NR2F6: variants seen among roughly 807,000 people sequenced by gnomAD.
NR2F6 encodes ERBA-related gene-2.
Under a neutral mutation model 26.5 loss-of-function variants are expected in NR2F6, and 16 were observed. The ratio of observed to expected loss-of-function variants is 0.60; its 90% confidence interval spans 0.41 to 0.92. The LOEUF is 0.92. Ranked by LOEUF, NR2F6 falls within the 40% of genes least tolerant of loss-of-function variation. The pLI is 0.00. For synonymous variants in NR2F6, 325 were observed against 305.0 expected, an observed-to-expected ratio of 1.07 and a Z score of -0.68; for missense variants, 536 against 631.7, an observed-to-expected ratio of 0.85 and a Z score of 1.62.
chr19:17,242,539 G>A (rs2073475122), intron 1 of NR2F6, among the ~76,000 whole-genome samples: 2 of 152,168 alleles, frequency 1.3e-5, no homozygotes. Context: ...GAAAGCTGAG[G>A]ATCTGCGCCC....
In NR2F6 at chr19:17,235,253, G is replaced by A. The variant is rs917138156; in HGVS notation, c.940+246C>T. 1.3e-5 allele frequency among the ~76,000 whole-genome samples: 2 copies of A among 152,226 alleles called. No individual in the cohort carries two copies. The highest frequency in any genetic ancestry group is 6.5e-5 in the Admixed American group (1 of 15,290). ...GGCCCTGGTCCTGGCCCAGCCTTGG[G>A]TCTGGGGTCCGGGGTTCAGAGTTCT... is the stretch of plus-strand genomic sequence containing the variant. On this transcript the variant is annotated intron_variant, in intron 3 of 3. Coordinates refer to ENST00000291442, the MANE Select transcript of NR2F6 (RefSeq NM_005234.4). The surrounding 1 kb of genome is among the most constrained non-coding windows in gnomAD (Gnocchi z 5.0).
intron 2 of NR2F6, among the ~76,000 whole-genome samples, chr19:17,237,229 G>A (rs181319396): frequency 5.5e-4 from 84 of 152,250 alleles, no homozygotes; most frequent in African/African-American, 1.9e-3. Context: ...GGTGGATGGG[G>A]CCCAAAAGTG....
In NR2F6 at chr19:17,235,846, C is replaced by T; in HGVS notation, c.593G>A (p.Gly198Asp). The T allele has an allele frequency of 5.4e-6, 8 of 1,473,776 alleles. No homozygotes were observed. Among genetic ancestry groups the T allele is most frequent in the Non-Finnish European group, 7.1e-6 (8 of 1,120,926 alleles). 91.3% of individuals were successfully genotyped at this position (1,473,776 alleles called of 1,614,324 possible). A position where few individuals can be genotyped will look rare whatever the true frequency, so the allele number is the denominator to read the frequency against. Reference sequence around the variant, plus strand: ...CGCCAGCTCGCACACGTTGTCGATGCCCAGCACCGCGCCCGCCGCGCCGCC... The same window carrying T: ...CGCCAGCTCGCACACGTTGTCGATGTCCAGCACCGCGCCCGCCGCGCCGCC... Reference protein sequence around the residue: ...AGGGAAGAVLGIDNVCELAAR... With the variant: ...AGGGAAGAVLDIDNVCELAAR... The change falls in exon 3 of 4, where the codon GGC becomes GAC. Residue 198 changes from glycine to aspartate, a missense_variant. By Grantham distance (94) the Gly-to-Asp change is moderately conservative. Transcript: ENST00000291442. This position sits in a 1 kb window ranked among gnomAD's most constrained non-coding sequence, Gnocchi z 5.0.
At chr19:17,232,787 A>T (rs1332979055) in intron 3 of NR2F6, among the ~76,000 whole-genome samples, 161 bp from the exon 4 acceptor site, 1 of 152,086 alleles carries the variant, frequency 6.6e-6, no homozygotes, top group African/African-American at 2.4e-5. Context: ...CCAAGGCAGA[A>T]GCATCATTTA....
At chr19:17,233,425 C>T (rs910403012) in intron 3 of NR2F6, among the ~76,000 whole-genome samples, 23 of 152,298 alleles carry the variant, frequency 1.5e-4, no homozygotes, top group African/African-American at 4.6e-4. Context: ...TCTCATCTAA[C>T]CAGTGACATA....
intron 1 of NR2F6, among the ~76,000 whole-genome samples, chr19:17,243,878 A>G (rs987225425): frequency 1.3e-5 from 2 of 152,090 alleles, no homozygotes; most frequent in African/African-American, 4.8e-5. Flanking sequence ...CAAAGCAGGC[A>G]CCAGGACCTC....
chr19:17,238,405 T>C (rs1223364016), intron 2 of NR2F6, among the ~76,000 whole-genome samples: 1 of 151,956 alleles, frequency 6.6e-6, no homozygotes, highest in Admixed American at 6.6e-5. Flanking sequence ...GAGGTGATGT[T>C]TGAGCAAACC....
At position 17,235,984 on chromosome 19, in the gene NR2F6, GC is replaced by G; in HGVS notation, c.454del (p.Ala152ArgfsTer18). ...GAGGTCTCCGCCGCTCGCCACTGCC[GC>G]CAGCGCCGAGCCCGGGGGGCTGCCC... ...SSGSPPGSAL[A>X]AVASGGDLFP... On this transcript the variant is annotated frameshift_variant, in exon 3 of 4. Coordinates refer to ENST00000291442, the MANE Select transcript of NR2F6 (RefSeq NM_005234.4). LOFTEE classifies it high-confidence loss of function. This position sits in a 1 kb window ranked among gnomAD's most constrained non-coding sequence, Gnocchi z 5.0. 6.9e-7 allele frequency: 1 copy of G among 1,451,690 alleles called. No homozygotes were observed. The allele number at this position is 1,451,690 out of a possible 1,614,324, so 89.9% of individuals were successfully genotyped here. A position where few individuals can be genotyped will look rare whatever the true frequency, so the allele number is the denominator to read the frequency against.
intron 1 of NR2F6, 41 bp downstream of exon 1, chr19:17,244,902 G>C (rs1473133863): frequency 6.5e-7 from 1 of 1,547,670 alleles, no homozygotes; most frequent in Admixed American, 2.0e-5. Context: ...CCCCAGGTCG[G>C]GGCGGGGTGC....
At chr19:17,238,941 C>G (rs183688868) in intron 2 of NR2F6, among the ~76,000 whole-genome samples, 72 of 152,248 alleles carry the variant, frequency 4.7e-4, no homozygotes, top group Admixed American at 9.8e-4. Context: ...TGGCTCATGC[C>G]TATAATCCGA....
Position 17,235,524 on chromosome 19 carries a change from G to A in NR2F6, c.915C>T (p.Leu305=). ...LQVDSAEYGC[L]KAIALFTPDA... Reference sequence around the variant, plus strand: ...CGGGCGTGAAGAGCGCGATGGCCTTGAGGCAGCCATACTCGGCCGAGTCGA... The same window carrying A: ...CGGGCGTGAAGAGCGCGATGGCCTTAAGGCAGCCATACTCGGCCGAGTCGA... The change falls in exon 3 of 4, where the codon CTC becomes CTT. Residue 305 remains leucine, a synonymous_variant. Coordinates refer to ENST00000291442, the MANE Select transcript of NR2F6 (RefSeq NM_005234.4). This position sits in a 1 kb window ranked among gnomAD's most constrained non-coding sequence, Gnocchi z 5.0. The A allele has an allele frequency of 5.0e-6, 8 of 1,594,228 alleles. No homozygotes were observed. The highest frequency in any genetic ancestry group is 6.8e-6 in the Non-Finnish European group (8 of 1,176,246).
chr19:17,244,965 G>C lies in NR2F6; in HGVS notation c.256C>G (p.Arg86Gly). 1 of 1,566,730 alleles carries C rather than the reference G, an allele frequency of 6.4e-7. No homozygotes were observed. The highest frequency in any genetic ancestry group is 8.6e-7 in the Non-Finnish European group (1 of 1,156,362). The change falls in exon 1 of 4, where the codon CGC (arginine) becomes GGC (glycine). Residue 86 changes from arginine to glycine, a missense_variant. Transcript: ENST00000291442. ...CKSFFKRSIR[R>G]NLSYTCRSNR... The stretch of plus-strand genomic sequence containing the variant: ...CACCGGCAGGTGTAGCTGAGGTTGC[G>C]GCGGATGCTTCGCTTGAAAAAGCTC...
intron 1 of NR2F6, 123 bp from the exon 2 acceptor site, chr19:17,240,888 G>T: frequency 1.1e-6 from 1 of 915,484 alleles, no homozygotes; most frequent in Non-Finnish European, 1.7e-6. Flanking sequence ...AGACTGGAGA[G>T]GTAGCCCCAA....
At chr19:17,234,508 G>A (rs1051406970) in intron 3 of NR2F6, among the ~76,000 whole-genome samples, 17 of 152,220 alleles carry the variant, frequency 1.1e-4, no homozygotes, top group Non-Finnish European at 2.4e-4. Flanking sequence ...TACCTCTGAT[G>A]GGATCTAGAG....
chr19:17,243,504 G>C (rs974766939), intron 1 of NR2F6, among the ~76,000 whole-genome samples: 1 of 151,592 alleles, frequency 6.6e-6, no homozygotes, highest in African/African-American at 2.4e-5. Context: ...CCACCCTCAG[G>C]AAGCTCCTGG....
rs1220877843 is a variant in NR2F6, at chr19:17,232,325, G to A, written c.*27C>T. 1 of 1,613,448 alleles carries A rather than the reference G, an allele frequency of 6.2e-7. No individual in the cohort carries two copies. The highest frequency in any genetic ancestry group is 1.7e-5 in the Admixed American group (1 of 59,996). ...CCCTTGAGGTCTGTCTGCAGGCCTGGCCACAGCACACGTGGCCCCGTCATG... is the reference window on the plus strand; with the variant it reads ...CCCTTGAGGTCTGTCTGCAGGCCTGACCACAGCACACGTGGCCCCGTCATG... On this transcript the variant is annotated 3_prime_UTR_variant, in exon 4 of 4. Transcript: ENST00000291442.
chr19:17,245,353 A>T lies in NR2F6; in HGVS notation c.-133T>A, dbSNP rs2073492921. The T allele has an allele frequency of 2.5e-6, 2 of 787,468 alleles. No individual in the cohort carries two copies. The highest frequency in any genetic ancestry group is 3.3e-6 in the Non-Finnish European group (2 of 604,160). The allele number at this position is 787,468 out of a possible 1,614,324, so 48.8% of individuals were successfully genotyped here. ...GGGCACGGGCTGCACCCCCCAAAAA[A>T]GTTTTGCAGCAACTTCCTGCGGCCG... On this transcript the variant is annotated 5_prime_UTR_variant, in exon 1 of 4. Coordinates refer to ENST00000291442, the MANE Select transcript of NR2F6 (RefSeq NM_005234.4). This position sits in a 1 kb window ranked among gnomAD's most constrained non-coding sequence, Gnocchi z 5.0.
At chr19:17,238,626 T>C (rs999184935) in intron 2 of NR2F6, among the ~76,000 whole-genome samples, 1 of 151,966 alleles carries the variant, frequency 6.6e-6, no homozygotes, top group African/African-American at 2.4e-5. Flanking sequence ...TTAGGTAAAA[T>C]AGACAAGTAG....
intron 2 of NR2F6, among the ~76,000 whole-genome samples, chr19:17,239,931 G>C (rs2073460264): frequency 6.6e-6 from 1 of 152,212 alleles, no homozygotes; most frequent in African/African-American, 2.4e-5. Flanking sequence ...ACAGTCCCCA[G>C]AGGAACCTGA....
Sources: gnomAD v4.1 joint callset for allele counts (sites outside exome capture counted in the v4.1 genomes callset) on GRCh38, gnomAD v4.1.1 for gene constraint, Gnocchi (gnomAD v3.1) non-coding constraint, MANE v1.5 for transcripts, NCBI Gene and HGNC (gene_info 2026-07-23, HGNC 2026-07-21) for gene names.